The following ECT2 variants were observed in gnomAD, a reference collection of about 807,000 sequenced individuals.
ECT2 encodes the protein protein ECT2.
Under a neutral mutation model 116.9 loss-of-function variants are expected in ECT2, and 61 were observed. The ratio of observed to expected loss-of-function variants is 0.52; its 90% CI spans 0.42 to 0.65. ECT2 has a LOEUF of 0.65. Among genes scored for constraint, ECT2 ranks in the 30% least tolerant of loss-of-function variants. The pLI, the probability that ECT2 is intolerant of heterozygous loss-of-function variation, is 0.00. For missense variants in ECT2, 937 were observed against 1,078.7 expected (o/e 0.87, Z 1.84); for synonymous variants, 358 against 346.4 (o/e 1.03, Z -0.37).
chr3:172,765,093 C>T (rs1719082952), intron 12 of ECT2, among the ~76,000 whole-genome samples: 1 of 152,204 alleles, frequency 6.6e-6, no homozygotes, highest in African/African-American at 2.4e-5. Flanking sequence ...GCTTTCACAT[C>T]AGCATACTTA....
chr3:172,755,030 A>T (rs962822916), intron 2 of ECT2, among the ~76,000 whole-genome samples: 5 of 151,860 alleles, frequency 3.3e-5, no homozygotes, highest in African/African-American at 1.2e-4. Context: ...GTTGAGGAGG[A>T]TGACTATGTA....
At chr3:172,810,350 A>T (rs1728550939) in intron 22 of ECT2, among the ~76,000 whole-genome samples, 1 of 152,156 alleles carries the variant, frequency 6.6e-6, no homozygotes, top group Non-Finnish European at 1.5e-5. Flanking sequence ...GCTACTTAAG[A>T]GTTGCAATCT....
At chr3:172,784,093 A>T (rs1390049986) in intron 16 of ECT2, among the ~76,000 whole-genome samples, 184 bp downstream of exon 16, 1 of 151,966 alleles carries the variant, frequency 6.6e-6, no homozygotes, top group East Asian at 1.9e-4. Flanking sequence ...ATTCAGTGTT[A>T]GGTGCCAGGA....
Position 172,768,997 on chromosome 3 carries a change from A to C in ECT2, c.1292-10A>C. The C allele has an allele frequency of 6.3e-7, 1 of 1,584,534 alleles. No homozygotes were observed. Among genetic ancestry groups the C allele is most frequent in the Non-Finnish European group, 8.6e-7 (1 of 1,165,760 alleles). ...CTTCCATTAAATCTTTCCACCTTTT[A>C]ACGTTTCAGACACCCCAAAGTCTTG... On this transcript the variant is annotated splice_polypyrimidine_tract_variant and intron_variant, in intron 12 of 24. Coordinates refer to ENST00000392692, the MANE Select transcript of ECT2 (RefSeq NM_001258315.2).
At position 172,755,354 on chromosome 3, in the gene ECT2, G is replaced by T; in HGVS notation, c.190G>T (p.Glu64Ter). The T allele has an allele frequency of 6.2e-7, 1 of 1,604,844 alleles. No individual in the cohort carries two copies. Among genetic ancestry groups the T allele is most frequent in the South Asian group, 1.1e-5 (1 of 88,550 alleles). ...ILVQEAGKQE[E>*]LIKALKTIKI... is the part of the protein sequence containing the mutation. ...GGTTCAAGAAGCTGGAAAACAAGAA[G>T]AACTTATAAAAGCCTTAAAGGTACG... Residue 64 changes from glutamate (E) to a stop codon, truncating the protein, a stop_gained, in exon 3 of 25, where the codon GAA becomes TAA. Transcript: ENST00000392692. LOFTEE classifies it high-confidence loss of function.
At chr3:172,793,997 C>CT (rs1333214005) in intron 18 of ECT2, among the ~76,000 whole-genome samples, 1 of 151,176 alleles carries the variant, frequency 6.6e-6, no homozygotes, top group Non-Finnish European at 1.5e-5. Context: ...AGTTAAAAGG[C>CT]TTTTTTTAAA....
intron 22 of ECT2, among the ~76,000 whole-genome samples, chr3:172,813,910 AT>A (rs898904465): frequency 2.3e-4 from 34 of 150,502 alleles, no homozygotes; most frequent in Non-Finnish European, 3.6e-4. Context: ...TATGAAGAAC[AT>A]TTTATACGTG....
intron 23 of ECT2, 52 bp downstream of exon 23, chr3:172,815,763 C>T: frequency 8.6e-7 from 1 of 1,166,232 alleles, no homozygotes; most frequent in Non-Finnish European, 1.3e-6. Flanking sequence ...ATTTTCCAGA[C>T]TATATTCAAA....
chr3:172,774,704 G>C (rs1387395972), intron 14 of ECT2, among the ~76,000 whole-genome samples: 2 of 151,336 alleles, frequency 1.3e-5, no homozygotes, highest in Non-Finnish European at 3.0e-5. Flanking sequence ...GGGTCTTGCT[G>C]TGTTGCCCAG....
intron 11 of ECT2, among the ~76,000 whole-genome samples, chr3:172,763,317 C>G (rs1020452835): frequency 2.0e-5 from 3 of 152,138 alleles, no homozygotes; most frequent in African/African-American, 7.2e-5. Flanking sequence ...TTTAGGTAGC[C>G]TCGCTCTGAG....
At chr3:172,825,149 G>C (rs1313460903), downstream of ECT2, among the ~76,000 whole-genome samples, 1 of 152,056 alleles carries the variant, frequency 6.6e-6, no homozygotes, top group African/African-American at 2.4e-5. Flanking sequence ...GGTGATCTGT[G>C]ATCAGTCATC....
At chr3:172,767,054 A>G (rs1031958160) in intron 12 of ECT2, among the ~76,000 whole-genome samples, 1 of 152,216 alleles carries the variant, frequency 6.6e-6, no homozygotes, top group African/African-American at 2.4e-5. Flanking sequence ...CCACTGAAGT[A>G]TATTCTGTAA....
intron 22 of ECT2, among the ~76,000 whole-genome samples, chr3:172,811,201 T>A (rs560682473): frequency 6.6e-6 from 1 of 152,176 alleles, no homozygotes; most frequent in South Asian, 2.1e-4. Flanking sequence ...AAGTTTTTTG[T>A]CTTCGTTGTT....
chr3:172,783,724 T>C, intron 15 of ECT2, 75 bp from the exon 16 acceptor site: 1 of 968,086 alleles, frequency 1.0e-6, no homozygotes, highest in Non-Finnish European at 1.6e-6. Context: ...CTACTAATTA[T>C]TTGACTTTAA....
chr3:172,755,817 G>C (rs898476504), intron 4 of ECT2, among the ~76,000 whole-genome samples: 1 of 152,004 alleles, frequency 6.6e-6, no homozygotes. Flanking sequence ...CAGGGAATTT[G>C]CCTCAGCATA....
rs200766864 is a variant in ECT2 at position 172,816,730 on chromosome 3, G to A, written c.2548G>A (p.Ala850Thr). ...CTCTTTCTCCAAAACTCCAAAAAGAGCTCTTCGAAGGGCTCTTATGACATC... is the reference window on the plus strand; with the variant it reads ...CTCTTTCTCCAAAACTCCAAAAAGAACTCTTCGAAGGGCTCTTATGACATC... The part of the protein sequence containing the change: ...AFSFSKTPKR[A>T]LRRALMTSHG... The change falls in exon 24 of 25, where the codon GCT becomes ACT. Residue 850 changes from alanine (A) to threonine (T), a missense_variant. Transcript: ENST00000392692. The A allele has an allele frequency of 1.6e-5, 26 of 1,606,914 alleles. No individual in the cohort carries two copies. Among genetic ancestry groups the A allele is most frequent in the Middle Eastern group, 1.7e-4 (1 of 6,028 alleles).
chr3:172,757,025 T>A lies in ECT2; in HGVS notation c.346T>A (p.Phe116Ile), dbSNP rs942621484. Reference protein sequence around the residue: ...GFVKMESVEEFEGLDSPEFEN... With the variant: ...GFVKMESVEEIEGLDSPEFEN... ...TGTAAAGATGGAGTCAGTGGAAGAA[T>A]TTGAAGGTTTGGATTCTCCGGAATT... Residue 116 changes from phenylalanine (F) to isoleucine (I), a missense_variant, in exon 5 of 25, where the codon TTT becomes ATT. Transcript: ENST00000392692. 1.1e-5 allele frequency: 17 copies of A among 1,609,246 alleles called. No homozygotes were observed. The highest frequency in any genetic ancestry group is 1.4e-5 in the Non-Finnish European group (17 of 1,178,718).
intron 1 of ECT2, among the ~76,000 whole-genome samples, chr3:172,751,536 C>T (rs1466167198): frequency 6.6e-6 from 1 of 151,756 alleles, no homozygotes; most frequent in Non-Finnish European, 1.5e-5. Flanking sequence ...AGGACAATGT[C>T]TGCCACGTAT....
downstream of ECT2, among the ~76,000 whole-genome samples, chr3:172,826,140 C>G (rs181456566): frequency 6.6e-6 from 1 of 152,152 alleles, no homozygotes; most frequent in African/African-American, 2.4e-5. Flanking sequence ...GGTCATCCGC[C>G]CACCTCGGCC....
Sources: allele counts gnomAD v4.1 joint callset (sites outside exome capture counted in the v4.1 genomes callset), GRCh38; gene constraint gnomAD v4.1.1; transcripts MANE v1.5; gene names NCBI Gene and HGNC (gene_info 2026-07-23, HGNC 2026-07-21).